The following CECR2 variants were observed in gnomAD, a reference collection of about 807,000 sequenced individuals.
CECR2 encodes the protein chromatin remodeling regulator CECR2.
A neutral mutation model predicts 154.5 loss-of-function variants in CECR2; 30 were observed. The ratio of observed to expected loss-of-function variants is 0.19; its 90% CI spans 0.15 to 0.26. The LOEUF is 0.26. Ranked by LOEUF, CECR2 falls within the 10% of genes least tolerant of loss-of-function variation. The pLI, the probability that CECR2 is intolerant of heterozygous loss-of-function variation, is 1.00. For missense variants in CECR2, 1,743 were observed against 1,829.3 expected (o/e 0.95, Z 0.86); for synonymous variants, 725 against 683.7 (o/e 1.06, Z -0.94).
chr22:17,483,080 G>C (rs967408004), intron 2 of CECR2, among the ~76,000 whole-genome samples: 2 of 152,330 alleles, frequency 1.3e-5, no homozygotes, highest in East Asian at 3.9e-4. Context: ...TGACAGCACC[G>C]TGCATGTTAC....
intron 8 of CECR2, among the ~76,000 whole-genome samples, chr22:17,516,883 T>G (rs777023619): frequency 4.0e-5 from 6 of 148,518 alleles, no homozygotes; most frequent in African/African-American, 1.3e-4. Context: ...TGTGAGCCAC[T>G]GCGCCCAGCT....
At chr22:17,425,220 T>A (rs2054312724) in intron 1 of CECR2, among the ~76,000 whole-genome samples, 1 of 152,076 alleles carries the variant, frequency 6.6e-6, no homozygotes, top group South Asian at 2.1e-4. Context: ...CTTCAGAGGT[T>A]ATAAATTGCA....
chr22:17,372,280 C>G (rs1016977348), intron 1 of CECR2, among the ~76,000 whole-genome samples: 1 of 152,098 alleles, frequency 6.6e-6, no homozygotes, highest in African/African-American at 2.4e-5. Flanking sequence ...TTTGATATGG[C>G]TAATGGAAAT....
At chr22:17,550,724 C>T (rs2056694957) in intron 17 of CECR2, among the ~76,000 whole-genome samples, 1 of 152,144 alleles carries the variant, frequency 6.6e-6, no homozygotes, top group African/African-American at 2.4e-5. Flanking sequence ...GGGCAGATCA[C>T]GAGGTCAGGA....
At chr22:17,514,166 CAG>C (rs2056009920) in intron 8 of CECR2, among the ~76,000 whole-genome samples, 1 of 152,300 alleles carries the variant, frequency 6.6e-6, no homozygotes, top group South Asian at 2.1e-4. Flanking sequence ...GGGAAAATAT[CAG>C]TGAGGGGAGA....
chr22:17,496,417 A>G (rs1034233853), intron 2 of CECR2, among the ~76,000 whole-genome samples: 4 of 151,554 alleles, frequency 2.6e-5, no homozygotes, highest in African/African-American at 7.3e-5. Context: ...GGAGAATGGC[A>G]TGAACCCGGG....
chr22:17,415,869 G>A (rs926034984), intron 1 of CECR2, among the ~76,000 whole-genome samples: 2 of 152,000 alleles, frequency 1.3e-5, no homozygotes, highest in Non-Finnish European at 2.9e-5. Flanking sequence ...TCAATCCGTC[G>A]GTCCATTGTG....
intron 1 of CECR2, among the ~76,000 whole-genome samples, chr22:17,415,203 A>G (rs2054138419): frequency 6.6e-6 from 1 of 151,944 alleles, no homozygotes; most frequent in Non-Finnish European, 1.5e-5. Flanking sequence ...TTATTTTTTC[A>G]GCTGAAATGA....
chr22:17,413,518 T>A (rs748429243), intron 1 of CECR2, among the ~76,000 whole-genome samples: 10 of 152,078 alleles, frequency 6.6e-5, no homozygotes, highest in Non-Finnish European at 1.5e-5. Context: ...GCAGGGAAAA[T>A]AGGTAGAGTC....
At chr22:17,466,548 C>T (rs2055035316) in intron 1 of CECR2, among the ~76,000 whole-genome samples, 1 of 151,286 alleles carries the variant, frequency 6.6e-6, no homozygotes, top group Non-Finnish European at 1.5e-5. Context: ...GAATGGAAAC[C>T]TGGTATCTGT....
chr22:17,455,774 C>T (rs1220323360), intron 1 of CECR2, among the ~76,000 whole-genome samples: 1 of 152,166 alleles, frequency 6.6e-6, no homozygotes, highest in African/African-American at 2.4e-5. Flanking sequence ...GCACGCCCGG[C>T]TAATTTTTGT....
chr22:17,548,667 C>T lies in CECR2; in HGVS notation c.3380C>T (p.Pro1127Leu), dbSNP rs760515905. 1 of 1,613,268 alleles carries T rather than the reference C, an allele frequency of 6.2e-7. No individual in the cohort carries two copies. The highest frequency in any genetic ancestry group is 2.2e-5 in the East Asian group (1 of 44,850). ...PPLYMPGLEY[P>L]NSAAHYHISP... ...CTGTATATGCCTGGCCTAGAGTACC[C>T]GAATTCAGCTGCCCATTACCACATC... is the stretch of plus-strand genomic sequence containing the variant. The change falls in exon 17 of 19, where the codon CCG becomes CTG. Residue 1127 changes from proline to leucine, a missense_variant. By Grantham distance (98) the Pro-to-Leu change is moderately conservative. Around this residue, in one of 4 missense-constraint regions of CECR2, gnomAD observed 1,250 missense variants for 1,192.1 expected, o/e 1.05. Transcript: ENST00000262608.
chr22:17,482,428 A>G (rs573481542), intron 2 of CECR2, among the ~76,000 whole-genome samples: 32 of 152,214 alleles, frequency 2.1e-4, no homozygotes, highest in Admixed American at 1.1e-3. Flanking sequence ...GACATAGCAT[A>G]TACCGTCATG....
chr22:17,516,845 C>T (rs1324045306), intron 8 of CECR2, among the ~76,000 whole-genome samples: 1 of 151,746 alleles, frequency 6.6e-6, no homozygotes, highest in Non-Finnish European at 1.5e-5. Context: ...ATGCCCGCCT[C>T]GTCCTCCCAA....
chr22:17,454,392 T>C (rs2054820810), intron 1 of CECR2, among the ~76,000 whole-genome samples: 1 of 150,664 alleles, frequency 6.6e-6, no homozygotes, highest in Admixed American at 6.6e-5. Context: ...ATCCACGAGG[T>C]CAGGAGATCA....
rs2056764626 is a variant in CECR2, at chr22:17,555,635, T to C, written c.*2795T>C. 1 of 152,242 alleles carries C rather than the reference T, an allele frequency of 6.6e-6. No homozygotes were observed. The highest frequency in any genetic ancestry group is 2.4e-5 in the African/African-American group (1 of 41,456). 9.4% of individuals were successfully genotyped at this position (152,242 alleles called of 1,614,324 possible). A position where few individuals can be genotyped will look rare whatever the true frequency, so the allele number is the denominator to read the frequency against. ...AGTGTCTTAAGCAGATGCAATGTCTTAAAGCAGATGCAAATGCATTTGCCA... is the reference window on the plus strand; with the variant it reads ...AGTGTCTTAAGCAGATGCAATGTCTCAAAGCAGATGCAAATGCATTTGCCA... On this transcript the variant is annotated 3_prime_UTR_variant, in exon 19 of 19. Transcript: ENST00000262608.
At position 17,504,865 on chromosome 22, in the gene CECR2, A is replaced by T. The variant is rs754513973; in HGVS notation, c.719A>T (p.Gln240Leu). Residue 240 changes from glutamine to leucine, a missense_variant, in exon 7 of 19, where the codon CAA becomes CTA. Around this residue, in one of 4 missense-constraint regions of CECR2, gnomAD observed 292 missense variants for 301.2 expected, o/e 0.97. Coordinates refer to ENST00000262608, the MANE Select transcript of CECR2 (RefSeq NM_001290047.2). The part of the protein sequence containing the change: ...QTRHGSQGPG[Q>L]GTWWLLCQTE... ...TTTCTAGGGTCCCAAGGGCCAGGCCAAGGTACTTGGTGGCTCCTGTGCCAG... is the reference window on the plus strand; with the variant it reads ...TTTCTAGGGTCCCAAGGGCCAGGCCTAGGTACTTGGTGGCTCCTGTGCCAG... 8.7e-6 allele frequency: 14 copies of T among 1,613,790 alleles called. No individual in the cohort carries two copies. The highest frequency in any genetic ancestry group is 1.2e-5 in the Non-Finnish European group (14 of 1,179,808).
chr22:17,373,521 G>A (rs1377781336), intron 1 of CECR2, among the ~76,000 whole-genome samples: 1 of 152,166 alleles, frequency 6.6e-6, no homozygotes, highest in Non-Finnish European at 1.5e-5. Context: ...AGGGATAAAA[G>A]TGATTCACTG....
chr22:17,502,261 G>T (rs372039538), intron 5 of CECR2, among the ~76,000 whole-genome samples: 3 of 152,264 alleles, frequency 2.0e-5, no homozygotes, highest in East Asian at 3.9e-4. Flanking sequence ...TTGAATAGAG[G>T]CATTCCCCCT....
Sources: gnomAD v4.1 joint callset for allele counts (sites outside exome capture counted in the v4.1 genomes callset) on GRCh38, gnomAD v4.1.1 for gene constraint, gnomAD v4.1.1 regional missense constraint, MANE v1.5 for transcripts, NCBI Gene and HGNC (gene_info 2026-07-23, HGNC 2026-07-21) for gene names.